CSMD1: variants seen among roughly 807,000 people sequenced by gnomAD.
CSMD1 encodes CUB and sushi domain-containing protein 1.
CSMD1 carries 213 observed loss-of-function variants against 417.5 expected under a neutral mutation model. That is an observed-to-expected ratio of 0.51 (90% CI 0.46 to 0.57). The LOEUF is 0.57. Ranked by LOEUF, CSMD1 falls within the 20% of genes least tolerant of loss-of-function variation. The pLI, the probability that CSMD1 is intolerant of heterozygous loss-of-function variation, is 0.00. For missense variants in CSMD1, 6,923 were observed against 4,529.7 expected, an observed-to-expected ratio of 1.53 and a Z score of -15.17; for synonymous variants, 2,862 against 1,736.8, an observed-to-expected ratio of 1.65 and a Z score of -16.11.
chr8:4,886,754 A>G (rs1803767918), intron 1 of CSMD1, among the ~76,000 whole-genome samples: 1 of 152,022 alleles, frequency 6.6e-6, no homozygotes, highest in Non-Finnish European at 1.5e-5. Flanking sequence ...GACTTCTAAA[A>G]AAATTTATTT....
intron 2 of CSMD1, among the ~76,000 whole-genome samples, chr8:4,450,995 C>G (rs1169892326): frequency 6.8e-6 from 1 of 147,996 alleles, no homozygotes; most frequent in East Asian, 1.9e-4. Flanking sequence ...GAATTGACAG[C>G]TAAGCTTTCT....
At chr8:3,854,695 T>C (rs1384256387) in intron 5 of CSMD1, among the ~76,000 whole-genome samples, 1 of 147,564 alleles carries the variant, frequency 6.8e-6, no homozygotes, top group East Asian at 2.0e-4. Flanking sequence ...GAGAAGGGAG[T>C]CGGGAAGATG....
chr8:4,551,892 T>C (rs1205242738), intron 2 of CSMD1, among the ~76,000 whole-genome samples: 1 of 151,298 alleles, frequency 6.6e-6, no homozygotes, highest in Non-Finnish European at 1.5e-5. Context: ...ATCACCATGT[T>C]GCTCAGGCAG....
In CSMD1 at chr8:3,955,722, G is replaced by A. The variant is rs756973316; in HGVS notation, c.818+42181C>T. Reference sequence around the variant, plus strand: ...ATACGTGGACACAAAGATTCTTCGAGAACTGCCTCAAGTAAGAAAAAAACA... The same window carrying A: ...ATACGTGGACACAAAGATTCTTCGAAAACTGCCTCAAGTAAGAAAAAAACA... On this transcript the variant is annotated intron_variant, in intron 5 of 69. Transcript: ENST00000635120. 6.8e-5 allele frequency among the ~76,000 whole-genome samples: 10 copies of A among 146,758 alleles called. No homozygotes were observed. The South Asian group carries it at 1.9e-3, about 28-fold the overall frequency.
At chr8:4,213,290 A>C (rs1800435856) in intron 3 of CSMD1, among the ~76,000 whole-genome samples, 1 of 152,176 alleles carries the variant, frequency 6.6e-6, no homozygotes, top group African/African-American at 2.4e-5. Flanking sequence ...TCTAATGAGC[A>C]GCTCTGCTCA....
At chr8:3,495,332 G>C (rs976053256) in intron 10 of CSMD1, among the ~76,000 whole-genome samples, 1 of 152,122 alleles carries the variant, frequency 6.6e-6, no homozygotes, top group Non-Finnish European at 1.5e-5. Flanking sequence ...GTCCTGACTT[G>C]TTTAAAGTTC....
chr8:3,921,993 A>G (rs538048237), intron 5 of CSMD1, among the ~76,000 whole-genome samples: 99 of 152,236 alleles, frequency 6.5e-4, no homozygotes, highest in African/African-American at 2.3e-3. Flanking sequence ...TTAAAGTTCC[A>G]TACTGTTAAT....
chr8:3,631,830 A>T (rs1185226802), intron 7 of CSMD1, among the ~76,000 whole-genome samples: 1 of 152,138 alleles, frequency 6.6e-6, no homozygotes, highest in East Asian at 1.9e-4. Context: ...AAGTGACTTG[A>T]CATTCTTAAT....
chr8:3,097,460 C>T (rs1029235692), intron 46 of CSMD1, among the ~76,000 whole-genome samples: 20 of 151,910 alleles, frequency 1.3e-4, no homozygotes, highest in Non-Finnish European at 2.2e-4. Flanking sequence ...ATACAGTAGG[C>T]CCCCTTACCC....
intron 8 of CSMD1, among the ~76,000 whole-genome samples, chr8:3,597,207 G>C (rs958458446): frequency 6.6e-6 from 1 of 152,082 alleles, no homozygotes; most frequent in Non-Finnish European, 1.5e-5. Context: ...GGAACTGAGA[G>C]GACTCATGGT....
At chr8:4,822,482 C>T (rs9314543) in intron 1 of CSMD1, among the ~76,000 whole-genome samples, 71 of 151,970 alleles carry the variant, frequency 4.7e-4, no homozygotes, top group Non-Finnish European at 7.8e-4. Flanking sequence ...GATTGTAACC[C>T]GATGGAGATG....
chr8:4,025,138 G>A (rs1316163470), intron 4 of CSMD1, among the ~76,000 whole-genome samples: 2 of 152,234 alleles, frequency 1.3e-5, no homozygotes, highest in East Asian at 1.9e-4. Flanking sequence ...TGTTGAGACT[G>A]TAATTTTCCA....
At chr8:2,990,328 T>G (rs1310678332) in intron 54 of CSMD1, among the ~76,000 whole-genome samples, 2 of 152,214 alleles carry the variant, frequency 1.3e-5, no homozygotes, top group Admixed American at 6.5e-5. Context: ...ACGTGATTGT[T>G]TCAGCCATAT....
chr8:2,942,872 A>C (rs1801985705), intron 68 of CSMD1, among the ~76,000 whole-genome samples: 1 of 152,224 alleles, frequency 6.6e-6, no homozygotes, highest in South Asian at 2.1e-4. Context: ...GTCAGTATAC[A>C]TCCTGACTTT....
At chr8:4,705,545 T>C (rs1334209860) in intron 1 of CSMD1, among the ~76,000 whole-genome samples, 1 of 152,224 alleles carries the variant, frequency 6.6e-6, no homozygotes, top group Non-Finnish European at 1.5e-5. Flanking sequence ...CCCTAGATTC[T>C]ACTACGGCAT....
At chr8:2,959,392 C>T (rs1273651931) in intron 62 of CSMD1, among the ~76,000 whole-genome samples, 1 of 152,184 alleles carries the variant, frequency 6.6e-6, no homozygotes, top group East Asian at 1.9e-4. Flanking sequence ...AGCTGCTGCT[C>T]CCAGCCCACT....
At chr8:3,508,107 C>A (rs565466558) in intron 10 of CSMD1, among the ~76,000 whole-genome samples, 1 of 152,138 alleles carries the variant, frequency 6.6e-6, no homozygotes, top group Non-Finnish European at 1.5e-5. Context: ...AATGGTATTG[C>A]CTAGGTTTCC....
intron 7 of CSMD1, among the ~76,000 whole-genome samples, chr8:3,632,892 G>A (rs1326122326): frequency 1.3e-5 from 2 of 152,146 alleles, no homozygotes; most frequent in African/African-American, 4.8e-5. Context: ...CTCTGAGAAT[G>A]GCAGACAACA....
chr8:3,254,235 G>T (rs192084409), intron 26 of CSMD1, among the ~76,000 whole-genome samples: 3 of 152,172 alleles, frequency 2.0e-5, no homozygotes, highest in Admixed American at 6.5e-5. Context: ...AGTTTCTGTC[G>T]AGAGATCAGC....
Sources: allele counts gnomAD v4.1 joint callset (sites outside exome capture counted in the v4.1 genomes callset), GRCh38; gene constraint gnomAD v4.1.1; transcripts MANE v1.5; gene names NCBI Gene and HGNC (gene_info 2026-07-23, HGNC 2026-07-21).